The following TOX2 variants were observed in gnomAD, a reference collection of about 807,000 sequenced individuals.
TOX2 encodes granulosa cell HMG box 1.
Under a neutral mutation model 47.4 loss-of-function variants are expected in TOX2, and 15 were observed. The observed-to-expected ratio is 0.32, with a 90% CI of 0.21 to 0.49. The LOEUF is 0.49. Ranked by LOEUF, TOX2 falls within the 20% of genes least tolerant of loss-of-function variation. TOX2 has a pLI of 0.99. For missense variants in TOX2, 622 were observed against 673.1 expected, an observed-to-expected ratio of 0.92 and a Z score of 0.84; for synonymous variants, 290 against 296.6, an observed-to-expected ratio of 0.98 and a Z score of 0.23.
At chr20:43,960,331 T>C (rs1427714809) in intron 1 of TOX2, among the ~76,000 whole-genome samples, 1 of 152,212 alleles carries the variant, frequency 6.6e-6, no homozygotes, top group Non-Finnish European at 1.5e-5. Context: ...GGCAGCTCCA[T>C]GGTGCCTTTG....
Position 44,065,932 on chromosome 20 carries a change from C to T in TOX2, c.1181C>T (p.Pro394Leu). 1 of 1,611,890 alleles carries T rather than the reference C, an allele frequency of 6.2e-7. No homozygotes were observed. Among genetic ancestry groups the T allele is most frequent in the Non-Finnish European group, 8.5e-7 (1 of 1,178,818 alleles). The change falls in exon 7 of 9, where the codon CCC becomes CTC. Residue 394 changes from proline (P) to leucine (L), a missense_variant. Around this residue, in one of 3 missense-constraint regions of TOX2, gnomAD observed 294 missense variants for 300.0 expected, o/e 0.98. Coordinates refer to ENST00000341197, the MANE Select transcript of TOX2 (RefSeq NM_001098797.2). Reference sequence around the variant, plus strand: ...CTCAGTGCGTCCCCGCCGCCGCCACCCTCCTTCCCGCTCAGCCCCACACTG... The same window carrying T: ...CTCAGTGCGTCCCCGCCGCCGCCACTCTCCTTCCCGCTCAGCCCCACACTG... ...PGLSASPPPP[P>L]SFPLSPTLHQ...
At chr20:43,976,219 A>G (rs187852424) in intron 2 of TOX2, among the ~76,000 whole-genome samples, 24 of 152,360 alleles carry the variant, frequency 1.6e-4, no homozygotes, top group African/African-American at 5.5e-4. Flanking sequence ...TTTGTGGGTC[A>G]GCAGTTTAAC....
intron 3 of TOX2, among the ~76,000 whole-genome samples, chr20:44,029,063 C>T (rs961675519): frequency 2.0e-5 from 3 of 152,186 alleles, no homozygotes; most frequent in Non-Finnish European, 4.4e-5. Context: ...AAGCTTCGTC[C>T]CTTCCTTGGC....
At chr20:44,040,704 TTCC>T (rs1239809843) in intron 3 of TOX2, among the ~76,000 whole-genome samples, 2 of 152,196 alleles carry the variant, frequency 1.3e-5, no homozygotes, top group Admixed American at 6.5e-5. Context: ...CCTCTTTCTC[TTCC>T]TCCTGATGAG....
intron 2 of TOX2, among the ~76,000 whole-genome samples, chr20:43,981,820 G>A (rs368703816): frequency 8.5e-5 from 13 of 152,314 alleles, no homozygotes; most frequent in Admixed American, 3.3e-4. Flanking sequence ...ATTGAGAAGC[G>A]TGAGGTGAGG....
intron 1 of TOX2, among the ~76,000 whole-genome samples, chr20:43,951,707 G>GTTGTTTTTTTT (rs2069571130): frequency 1.8e-5 from 1 of 55,098 alleles, no homozygotes; most frequent in African/African-American, 5.4e-5. Context: ...AACTTATTAT[G>GTTGTTTTTTTT]TTTTTTTTTT....
intron 3 of TOX2, among the ~76,000 whole-genome samples, chr20:44,017,318 C>T (rs75560022): frequency 0.012 from 1,785 of 152,210 alleles, 34 homozygotes; most frequent in African/African-American, 0.041. Flanking sequence ...AAGCTGTGGA[C>T]GATTGAAAGA....
rs993162051 is a variant in TOX2, at chr20:44,068,886, C to T, written c.*200C>T. On this transcript the variant is annotated 3_prime_UTR_variant, in exon 9 of 9. Transcript: ENST00000341197. The stretch of plus-strand genomic sequence containing the variant: ...GGCAGCCCACTGCCCACCACCAGCC[C>T]AAAGAACCTGCAGGAACCTTCCGCC... The T allele has an allele frequency of 7.8e-6, 6 of 765,474 alleles. No individual in the cohort carries two copies. The highest frequency in any genetic ancestry group is 2.3e-4 in the Middle Eastern group (1 of 4,424). The allele number at this position is 765,474 out of a possible 1,614,324, so 47.4% of individuals were successfully genotyped here.
intron 2 of TOX2, among the ~76,000 whole-genome samples, chr20:43,977,791 G>A (rs578181237): frequency 2.0e-5 from 3 of 152,308 alleles, no homozygotes; most frequent in Admixed American, 2.0e-4. Flanking sequence ...CAGGGGGGTA[G>A]AGGACCTGGT....
At chr20:43,987,928 T>C (rs1569066807) in intron 2 of TOX2, among the ~76,000 whole-genome samples, 1 of 143,990 alleles carries the variant, frequency 6.9e-6, no homozygotes. Flanking sequence ...TTTTTTTTTT[T>C]TTTTTTTTTG....
chr20:44,041,584 C>T (rs763402162), intron 3 of TOX2, among the ~76,000 whole-genome samples: 2 of 152,108 alleles, frequency 1.3e-5, no homozygotes, highest in Admixed American at 6.5e-5. Context: ...CCCTGAAGTG[C>T]GGTTGGGGAA....
chr20:44,026,248 T>TATATATATATATATATATATAA (rs750976068), intron 3 of TOX2, among the ~76,000 whole-genome samples: 1 of 67,726 alleles, frequency 1.5e-5, no homozygotes. Context: ...TATATATATA[T>TATATATATATATATATATATAA]AGACACACAC....
chr20:44,038,633 T>TG (rs2071278088), intron 3 of TOX2, among the ~76,000 whole-genome samples: 2 of 151,352 alleles, frequency 1.3e-5, no homozygotes, highest in African/African-American at 2.4e-5. Context: ...AATTTAATTG[T>TG]GGAAAAAAAG....
chr20:43,974,577 C>A (rs2070039748), intron 2 of TOX2, among the ~76,000 whole-genome samples: 1 of 152,228 alleles, frequency 6.6e-6, no homozygotes, highest in Admixed American at 6.5e-5. Context: ...CCCTCTGTCT[C>A]TGCCATTGTG....
chr20:44,054,315 G>T lies in TOX2; in HGVS notation c.668G>T (p.Arg223Ile). 2 of 1,611,168 alleles carry T rather than the reference G, an allele frequency of 1.2e-6. No homozygotes were observed. The highest frequency in any genetic ancestry group is 1.3e-5 in the African/African-American group (1 of 74,796). Residue 223 changes from arginine (R) to isoleucine (I), a missense_variant, in exon 5 of 9, where the codon AGA becomes ATA. By Grantham distance (97) the Arg-to-Ile change is moderately conservative. Transcript: ENST00000341197. Reference protein sequence around the residue: ...EVHFKISGEKRPSADPGKKAK... With the variant: ...EVHFKISGEKIPSADPGKKAK... ...CTCGGGCAGATCTCGGGAGAAAAGA[G>T]ACCTTCAGCCGACCCAGGAAAAAAG...
At chr20:43,995,436 T>C (rs757056857) in intron 2 of TOX2, among the ~76,000 whole-genome samples, 10 of 152,244 alleles carry the variant, frequency 6.6e-5, no homozygotes, top group Admixed American at 6.5e-4. Context: ...TTTGGAGTTT[T>C]GATAAGATGT....
chr20:44,057,944 T>C (rs2071650822), intron 5 of TOX2, among the ~76,000 whole-genome samples: 2 of 145,686 alleles, frequency 1.4e-5, no homozygotes, highest in African/African-American at 5.6e-5. Flanking sequence ...CTCATGCTTA[T>C]TCACATAGCA....
chr20:43,980,949 C>T (rs2070159722), intron 2 of TOX2, among the ~76,000 whole-genome samples: 1 of 152,118 alleles, frequency 6.6e-6, no homozygotes, highest in South Asian at 2.1e-4. Flanking sequence ...CAACTTACAC[C>T]ATAGTTGAAG....
intron 1 of TOX2, among the ~76,000 whole-genome samples, chr20:43,921,521 C>T (rs1465806651): frequency 6.6e-6 from 1 of 152,204 alleles, no homozygotes; most frequent in Non-Finnish European, 1.5e-5. Context: ...ATGTGTAGCA[C>T]TTGGCCCCAG....
Sources: gnomAD v4.1 joint callset for allele counts (sites outside exome capture counted in the v4.1 genomes callset) on GRCh38, gnomAD v4.1.1 for gene constraint, gnomAD v4.1.1 regional missense constraint, MANE v1.5 for transcripts, NCBI Gene and HGNC (gene_info 2026-07-23, HGNC 2026-07-21) for gene names.